Variants in SPTBN5 observed in about 807,000 individuals in gnomAD.
The protein encoded by SPTBN5 is spectrin beta, non-erythrocytic 5.
In SPTBN5, 513 loss-of-function variants were observed where a neutral mutation model predicts 477.6. The observed-to-expected ratio is 1.07, with a 90% CI of 1.00 to 1.16. The LOEUF is 1.16. Among genes scored for constraint, SPTBN5 ranks in the 50% most tolerant of loss-of-function variants. The pLI, the probability that SPTBN5 is intolerant of heterozygous loss-of-function variation, is 0.00. For synonymous variants in SPTBN5, 2,169 were observed against 2,011.7 expected, an observed-to-expected ratio of 1.08 and a Z score of -2.09; for missense variants, 5,062 against 4,731.8, an observed-to-expected ratio of 1.07 and a Z score of -2.05.
chr15:41,889,947 A>G, intron 4 of SPTBN5, 142 bp downstream of exon 4: 1 of 609,738 alleles, frequency 1.6e-6, no homozygotes, highest in East Asian at 2.8e-5. Context: ...ATGGTTGGAG[A>G]GTGAATATGG....
intron 66 of SPTBN5, 87 bp downstream of exon 66, chr15:41,850,767 C>A: frequency 8.5e-7 from 1 of 1,178,854 alleles, no homozygotes. Flanking sequence ...TGTGAAACCT[C>A]CCTAGGATGC....
intron 36 of SPTBN5, 171 bp from the exon 37 acceptor site, chr15:41,866,664 C>G (rs1184354712): frequency 2.4e-6 from 2 of 850,360 alleles, no homozygotes; most frequent in South Asian, 2.2e-5. Flanking sequence ...AGGAGGCAGC[C>G]GGGCAGGGCC....
At chr15:41,870,775 T>C (rs1179991872) in intron 29 of SPTBN5, among the ~76,000 whole-genome samples, 7 of 152,262 alleles carry the variant, frequency 4.6e-5, no homozygotes, top group African/African-American at 1.7e-4. Context: ...AGTGCTTTGC[T>C]GCTGTAATGC....
intron 32 of SPTBN5, among the ~76,000 whole-genome samples, chr15:41,869,571 G>C (rs894511974): frequency 2.6e-5 from 4 of 152,196 alleles, no homozygotes; most frequent in Admixed American, 1.3e-4. Flanking sequence ...GCTTTCCTGG[G>C]CAGTTCTTAC....
At chr15:41,876,783 G>T in intron 19 of SPTBN5, 26 bp downstream of exon 19, 3 of 1,609,136 alleles carry the variant, frequency 1.9e-6, no homozygotes, top group Non-Finnish European at 2.5e-6. Flanking sequence ...TCATCTGCAG[G>T]TGCTGCAGAC....
intron 16 of SPTBN5, 129 bp downstream of exon 16, chr15:41,879,131 A>G: frequency 9.0e-7 from 1 of 1,116,528 alleles, no homozygotes; most frequent in Non-Finnish European, 1.2e-6. Flanking sequence ...TCATCCCCCC[A>G]TCTTTGCCAC....
At chr15:41,885,689 G>C in intron 7 of SPTBN5, 46 bp downstream of exon 7, 2 of 1,522,828 alleles carry the variant, frequency 1.3e-6, no homozygotes, top group South Asian at 1.2e-5. Flanking sequence ...GGTGTGGTAG[G>C]ACAGCCTCAG....
At position 41,853,375 on chromosome 15, in the gene SPTBN5, C is replaced by G; in HGVS notation, c.10053G>C (p.Gln3351His). The G allele has an allele frequency of 6.2e-7, 1 of 1,610,536 alleles. No individual in the cohort carries two copies. Among genetic ancestry groups the G allele is most frequent in the South Asian group, 1.1e-5 (1 of 90,968 alleles). ...ELAEDVAGAE[Q>H]LLGQHEELGQ... is the part of the protein sequence containing the mutation. ...CCAGCTCTTCATGCTGCCCAAGGAGCTGCTCAGCCCCCGCCACGTCCTCAG... is the reference window on the plus strand; with the variant it reads ...CCAGCTCTTCATGCTGCCCAAGGAGGTGCTCAGCCCCCGCCACGTCCTCAG... Residue 3351 changes from glutamine to histidine, a missense_variant, in exon 59 of 68, where the codon CAG (glutamine) becomes CAC (histidine). Coordinates refer to ENST00000320955, the MANE Select transcript of SPTBN5 (RefSeq NM_016642.4).
At chr15:41,879,712 T>C (rs894241942) in intron 15 of SPTBN5, 22 bp downstream of exon 15, 63 of 1,612,438 alleles carry the variant, frequency 3.9e-5, no homozygotes, top group Non-Finnish European at 5.1e-5. Flanking sequence ...CCTCACCACC[T>C]GCACTCCTGC....
Position 41,852,811 on chromosome 15 carries a change from G to T in SPTBN5, c.10347+13C>A. 3.1e-6 allele frequency: 5 copies of T among 1,610,872 alleles called. No individual in the cohort carries two copies. The highest frequency in any genetic ancestry group is 1.7e-5 in the Admixed American group (1 of 59,952). ...AGCCTGGTAGCCAGCTAAGGGGCAG[G>T]ACCCCCACTCACCCCATAGTCGGGC... is the stretch of plus-strand genomic sequence containing the variant. On this transcript the variant is annotated intron_variant, in intron 60 of 67. Coordinates refer to ENST00000320955, the MANE Select transcript of SPTBN5 (RefSeq NM_016642.4).
rs763829588 is a variant in SPTBN5 at position 41,871,793 on chromosome 15, CG to C, written c.5289del (p.Glu1764SerfsTer35). The C allele has an allele frequency of 1.3e-6, 2 of 1,588,184 alleles. No individual in the cohort carries two copies. The highest frequency in any genetic ancestry group is 1.7e-5 in the Admixed American group (1 of 57,530). On this transcript the variant is annotated frameshift_variant, in exon 28 of 68. Transcript: ENST00000320955. LOFTEE classifies it high-confidence loss of function. Reference sequence around the variant, plus strand: ...GGCCCTCTTCTCACCAGGGCGTGCTCGGGGTCCTCTCCCAGGCTCTCCCCTC... The same window carrying C: ...GGCCCTCTTCTCACCAGGGCGTGCTCGGGTCCTCTCCCAGGCTCTCCCCTC... Reference protein sequence around the residue: ...AKGGESLGEDPEHALHLCTKF... With the variant: ...AKGGESLGEDXEHALHLCTKF...
chr15:41,853,254 A>G lies in SPTBN5; in HGVS notation c.10170+4T>C, dbSNP rs1273723846. ...AACCCCAGGCCCACCCTCTGAGTTC[A>G]CACCTCCGCAGACATGAAGTGGCTG... is the stretch of plus-strand genomic sequence containing the variant. On this transcript the variant is annotated splice_donor_region_variant and intron_variant, in intron 59 of 67. Coordinates refer to ENST00000320955, the MANE Select transcript of SPTBN5 (RefSeq NM_016642.4). 1 of 1,584,124 alleles carries G rather than the reference A, an allele frequency of 6.3e-7. No homozygotes were observed. The highest frequency in any genetic ancestry group is 8.6e-7 in the Non-Finnish European group (1 of 1,158,950).
Position 41,871,433 on chromosome 15 carries a change from G to A in SPTBN5, c.5389C>T (p.Leu1797=), listed in dbSNP as rs1206339575. The A allele has an allele frequency of 1.3e-6, 2 of 1,543,940 alleles. No homozygotes were observed. The highest frequency in any genetic ancestry group is 1.2e-5 in the South Asian group (1 of 82,558). ...VAACRLLAES[L]LERGHSAGPM... is the part of the protein sequence containing the mutation. ...CCAGCACTGTGCCCACGCTCTAGCA[G>A]GCTCTCCGCCAGCAGCCGGCAGGCG... is the stretch of plus-strand genomic sequence containing the variant. The change falls in exon 29 of 68, where the codon CTG becomes TTG. Residue 1797 remains leucine (L), a synonymous_variant. Transcript: ENST00000320955.
At position 41,853,801 on chromosome 15, in the gene SPTBN5, A is replaced by G. The variant is rs1290745311; in HGVS notation, c.9775-14T>C. The G allele has an allele frequency of 6.5e-7, 1 of 1,547,090 alleles. No individual in the cohort carries two copies. The highest frequency in any genetic ancestry group is 2.4e-5 in the East Asian group (1 of 41,502). On this transcript the variant is annotated splice_polypyrimidine_tract_variant and intron_variant, in intron 57 of 67. Transcript: ENST00000320955. ...TTCCAGCTCTCTCTGCAACCAGAGC[A>G]TGAGATCAGGCCTCAGTCCCCCCAC...
In SPTBN5 at chr15:41,865,884, C is replaced by A. The variant is rs1297257019; in HGVS notation, c.6842G>T (p.Gly2281Val). ...GTGCTCCAGGTCCTGGCCCAGGTCA[C>A]CAACATTCATCTTCACCTCCTGTGA... ...IQEKEVKMNV[G>V]DLGQDLEHCL... Residue 2281 changes from glycine to valine, a missense_variant, in exon 39 of 68, where the codon GGT becomes GTT. Coordinates refer to ENST00000320955, the MANE Select transcript of SPTBN5 (RefSeq NM_016642.4). 6.3e-7 allele frequency: 1 copy of A among 1,582,902 alleles called. No individual in the cohort carries two copies. Among genetic ancestry groups the A allele is most frequent in the Non-Finnish European group, 8.6e-7 (1 of 1,165,068 alleles).
At position 41,874,879 on chromosome 15, in the gene SPTBN5, G is replaced by C; in HGVS notation, c.4465C>G (p.Pro1489Ala). ...ASMAHGMAAS[P>A]AILEETQKHL... is the part of the protein sequence containing the mutation. ...TTCTGGGTCTCTTCCAGGATGGCCG[G>C]GGAGGCGGCCATGCCATGGGCCATG... The change falls in exon 23 of 68, where the codon CCG becomes GCG. Residue 1489 changes from proline to alanine, a missense_variant. Transcript: ENST00000320955. The C allele has an allele frequency of 1.2e-6, 2 of 1,611,830 alleles. No individual in the cohort carries two copies. The highest frequency in any genetic ancestry group is 1.7e-6 in the Non-Finnish European group (2 of 1,178,938).
chr15:41,866,964 T>A lies in SPTBN5; in HGVS notation c.6475A>T (p.Thr2159Ser). 6.3e-7 allele frequency: 1 copy of A among 1,574,870 alleles called. No individual in the cohort carries two copies. Among genetic ancestry groups the A allele is most frequent in the Non-Finnish European group, 8.6e-7 (1 of 1,160,778 alleles). ...LLMASFTQAA[T>S]QAEDWIQAWA... ...GGCTGGGGGTGCCCTCTGACCTGGG[T>A]TGCGGCCTGGGTGAAGCTGGCCATC... The change falls in exon 36 of 68, where the codon ACC (threonine) becomes TCC (serine). Residue 2159 changes from threonine to serine, a missense_variant. Transcript: ENST00000320955.
At chr15:41,864,257 G>A (rs1215416651) in intron 39 of SPTBN5, among the ~76,000 whole-genome samples, 1 of 152,190 alleles carries the variant, frequency 6.6e-6, no homozygotes, top group Admixed American at 6.5e-5. Context: ...TCATCTCTAA[G>A]GCCAGAAAAT....
chr15:41,875,138 C>A (rs2140948850), intron 22 of SPTBN5, 82 bp from the exon 23 acceptor site: 1 of 1,320,834 alleles, frequency 7.6e-7, no homozygotes, highest in Non-Finnish European at 1.0e-6. Context: ...GACTGTTGGA[C>A]TTTTAGGACC....
Sources: allele counts gnomAD v4.1 joint callset (sites outside exome capture counted in the v4.1 genomes callset), GRCh38; gene constraint gnomAD v4.1.1; transcripts MANE v1.5; gene names NCBI Gene and HGNC (gene_info 2026-07-23, HGNC 2026-07-21).